WWOX: variants seen among roughly 807,000 people sequenced by gnomAD.
WWOX encodes WW domain-containing oxidoreductase.
A neutral mutation model predicts 46.2 loss-of-function variants in WWOX; 69 were observed. The ratio of observed to expected loss-of-function variants is 1.49; its 90% confidence interval spans 1.23 to 1.82. The LOEUF is 1.82. Among genes scored for constraint, WWOX ranks in the 40% most tolerant of loss-of-function variants. The pLI is 0.00. For missense variants in WWOX, 919 were observed against 542.6 expected (o/e 1.69, Z -6.89); for synonymous variants, 359 against 202.6 (o/e 1.77, Z -6.56).
intron 8 of WWOX, among the ~76,000 whole-genome samples, chr16:78,635,089 A>G (rs995905246): frequency 1.3e-5 from 2 of 152,146 alleles, no homozygotes; most frequent in Admixed American, 6.5e-5. Flanking sequence ...ACCTTGCCCA[A>G]TGTGATTACG....
intron 8 of WWOX, among the ~76,000 whole-genome samples, chr16:78,916,385 C>T (rs976732055): frequency 6.6e-6 from 1 of 152,074 alleles, no homozygotes; most frequent in Non-Finnish European, 1.5e-5. Context: ...ATTAATCCCC[C>T]AAAAGTCAAA....
chr16:79,020,187 C>T (rs537969359), intron 8 of WWOX, among the ~76,000 whole-genome samples: 3 of 152,154 alleles, frequency 2.0e-5, no homozygotes, highest in South Asian at 2.1e-4. Flanking sequence ...AAAAGAGAGG[C>T]AGAACAATTA....
chr16:78,732,987 T>A (rs947251883), intron 8 of WWOX, among the ~76,000 whole-genome samples: 3 of 152,196 alleles, frequency 2.0e-5, no homozygotes, highest in Non-Finnish European at 4.4e-5. Context: ...TTCTCGTCTT[T>A]TCTTTTCTAG....
intron 8 of WWOX, among the ~76,000 whole-genome samples, chr16:78,951,885 G>C (rs550945729): frequency 1.3e-5 from 2 of 152,262 alleles, no homozygotes; most frequent in African/African-American, 4.8e-5. Flanking sequence ...CAATGGATGT[G>C]GGTGAGAGGA....
chr16:78,483,704 C>G (rs2738691), intron 8 of WWOX, among the ~76,000 whole-genome samples: 116 of 152,058 alleles, frequency 7.6e-4, no homozygotes, highest in African/African-American at 2.5e-3. Context: ...GCCAATCTCA[C>G]AAGATACTAA....
intron 8 of WWOX, among the ~76,000 whole-genome samples, chr16:78,515,366 G>A (rs1177165899): frequency 6.6e-6 from 1 of 152,178 alleles, no homozygotes; most frequent in Non-Finnish European, 1.5e-5. Flanking sequence ...TCTGCGTACA[G>A]CTAAGCTCAT....
intron 8 of WWOX, among the ~76,000 whole-genome samples, chr16:78,817,558 C>A (rs150717710): frequency 6.6e-6 from 1 of 152,152 alleles, no homozygotes; most frequent in Non-Finnish European, 1.5e-5. Flanking sequence ...ATTCACGAAC[C>A]CATGCCAAGT....
chr16:78,110,126 G>T (rs576252876), intron 3 of WWOX, among the ~76,000 whole-genome samples: 22 of 151,996 alleles, frequency 1.4e-4, no homozygotes, highest in African/African-American at 4.8e-4. Flanking sequence ...TGGATCCTGA[G>T]GTCAAGAGAT....
At chr16:78,932,793 C>T (rs532685464) in intron 8 of WWOX, among the ~76,000 whole-genome samples, 1 of 152,232 alleles carries the variant, frequency 6.6e-6, no homozygotes, top group East Asian at 1.9e-4. Context: ...CAGGCTGGTC[C>T]CAAGCCCCTC....
At chr16:78,737,651 G>C (rs927915864) in intron 8 of WWOX, among the ~76,000 whole-genome samples, 2 of 152,084 alleles carry the variant, frequency 1.3e-5, no homozygotes, top group Non-Finnish European at 2.9e-5. Flanking sequence ...CATCCTCATA[G>C]TTTAGCTCCC....
At chr16:78,296,677 TATGAG>T (rs2079948867) in intron 5 of WWOX, among the ~76,000 whole-genome samples, 1 of 152,092 alleles carries the variant, frequency 6.6e-6, no homozygotes, top group Non-Finnish European at 1.5e-5. Context: ...TTTGCAAGCT[TATGAG>T]ATGATTTTAT....
chr16:78,586,809 T>C (rs1252036685), intron 8 of WWOX, among the ~76,000 whole-genome samples: 1 of 152,168 alleles, frequency 6.6e-6, no homozygotes, highest in Non-Finnish European at 1.5e-5. Context: ...CATCTATGTA[T>C]AATTGATGGG....
In WWOX at chr16:78,732,001, C is replaced by A. The variant is rs374792586; in HGVS notation, c.1056+299249C>A. On this transcript the variant is annotated intron_variant, in intron 8 of 8. Coordinates refer to ENST00000566780, the MANE Select transcript of WWOX (RefSeq NM_016373.4). ...AGTTGGGACAACAGGTATGCACTAC[C>A]ATGCCCAGTGAATTTAAAAAAACAA... Among the ~76,000 whole-genome samples, 89 of 152,028 alleles carry A rather than the reference C, an allele frequency of 5.9e-4. 1 individual carries two copies. Among genetic ancestry groups the A allele is most frequent in the East Asian group, 4.1e-3 (21 of 5,152 alleles).
intron 5 of WWOX, among the ~76,000 whole-genome samples, chr16:78,244,291 C>T (rs2037749124): frequency 6.6e-6 from 1 of 152,184 alleles, no homozygotes; most frequent in Admixed American, 6.5e-5. Context: ...AGGAAGTGGT[C>T]AGTGTTTAAT....
intron 8 of WWOX, among the ~76,000 whole-genome samples, chr16:78,854,720 A>G (rs1482651602): frequency 6.6e-6 from 1 of 152,204 alleles, no homozygotes; most frequent in Non-Finnish European, 1.5e-5. Flanking sequence ...AGTTGGGATT[A>G]CAGGCACATG....
chr16:78,230,345 C>G (rs1023148131), intron 5 of WWOX, among the ~76,000 whole-genome samples: 3 of 152,162 alleles, frequency 2.0e-5, no homozygotes, highest in East Asian at 3.9e-4. Flanking sequence ...TCAGCTGTGT[C>G]CATGATGTCT....
chr16:79,071,421 T>A (rs1472741171), intron 8 of WWOX, among the ~76,000 whole-genome samples: 1 of 152,208 alleles, frequency 6.6e-6, no homozygotes, highest in Admixed American at 6.5e-5. Context: ...TCTTCCCCCC[T>A]CATCTCTTAG....
chr16:78,269,883 T>A (rs900113140), intron 5 of WWOX, among the ~76,000 whole-genome samples: 3 of 150,980 alleles, frequency 2.0e-5, no homozygotes, highest in Non-Finnish European at 4.4e-5. Flanking sequence ...TTCATTTACA[T>A]CTGTCAGGAA....
intron 8 of WWOX, among the ~76,000 whole-genome samples, chr16:79,019,908 T>C (rs1208631645): frequency 6.6e-6 from 1 of 152,024 alleles, no homozygotes; most frequent in African/African-American, 2.4e-5. Context: ...CTAATGGGGG[T>C]AAATATACTT....
Sources: allele counts gnomAD v4.1 joint callset (sites outside exome capture counted in the v4.1 genomes callset), GRCh38; gene constraint gnomAD v4.1.1; transcripts MANE v1.5; gene names NCBI Gene and HGNC (gene_info 2026-07-23, HGNC 2026-07-21).